Variants in CHD1L observed in about 807,000 individuals in gnomAD.
CHD1L encodes the protein ATP-dependent chromatin remodeler CHD1L.
In CHD1L, 118 loss-of-function variants were observed where a neutral mutation model predicts 115.9. That is an observed-to-expected ratio of 1.02 (90% CI 0.88 to 1.19). The LOEUF (loss-of-function observed/expected upper bound fraction) is 1.19. Ranked by LOEUF, CHD1L falls within the 50% of genes most tolerant of loss-of-function variation. The probability of loss-of-function intolerance (pLI) is 0.00; values close to 1 mark genes in which losing one functional copy is unlikely to be tolerated. For missense variants in CHD1L, 1,179 were observed against 1,065.3 expected (o/e 1.11, Z -1.49); for synonymous variants, 411 against 387.1 (o/e 1.06, Z -0.72).
upstream of CHD1L, among the ~76,000 whole-genome samples, chr1:147,240,835 T>C (rs1664785404): frequency 6.6e-6 from 1 of 152,192 alleles, no homozygotes; most frequent in African/African-American, 2.4e-5. Context: ...CTCTCCACTA[T>C]TACCCTATTG....
chr1:147,192,194 T>C, the CHD1L span, among the ~76,000 whole-genome samples: 5 of 152,070 alleles, frequency 3.3e-5, no homozygotes, highest in Non-Finnish European at 5.9e-5. Context: ...CATTGAGCAG[T>C]GGTTTGTATT....
upstream of CHD1L, among the ~76,000 whole-genome samples, chr1:147,241,983 C>T (rs1664948305): frequency 6.6e-6 from 1 of 152,060 alleles, no homozygotes; most frequent in Non-Finnish European, 1.5e-5. Context: ...GGACACCACC[C>T]AGAACTTCAT....
the CHD1L span, chr1:147,172,956 T>C: frequency 6.6e-6 from 1 of 152,352 alleles, no homozygotes; most frequent in African/African-American, 2.4e-5. Context: ...ATAAGAAAAC[T>C]GAAACTGACT....
At chr1:147,261,420 A>ATG (rs1671901029) in intron 6 of CHD1L, among the ~76,000 whole-genome samples, 3 of 148,846 alleles carry the variant, frequency 2.0e-5, no homozygotes, top group Non-Finnish European at 4.4e-5. Context: ...TTTTATATAT[A>ATG]AAGGCCTTAA....
intron 2 of CHD1L, among the ~76,000 whole-genome samples, chr1:147,252,988 G>T (rs1051151532): frequency 2.6e-5 from 4 of 152,184 alleles, no homozygotes; most frequent in African/African-American, 9.7e-5. Context: ...TGTTCACATA[G>T]CTCTGCTTTA....
intron 20 of CHD1L, among the ~76,000 whole-genome samples, chr1:147,291,896 CT>C (rs1177092124): frequency 6.6e-6 from 1 of 152,060 alleles, no homozygotes; most frequent in Non-Finnish European, 1.5e-5. Flanking sequence ...AGGCCCCACC[CT>C]AAACCCTTGT....
chr1:147,216,592 G>A, the CHD1L span, among the ~76,000 whole-genome samples: 10 of 152,024 alleles, frequency 6.6e-5, no homozygotes, highest in Non-Finnish European at 1.2e-4. Context: ...ATTCAGCATC[G>A]CTTAGGAAGA....
the CHD1L span, chr1:147,176,112 A>G: frequency 6.6e-6 from 1 of 152,334 alleles, no homozygotes; most frequent in East Asian, 1.9e-4. Flanking sequence ...TGCCTAAATT[A>G]AAAACTATTA....
chr1:147,248,326 A>G (rs1296772190), intron 1 of CHD1L, among the ~76,000 whole-genome samples: 1 of 151,804 alleles, frequency 6.6e-6, no homozygotes, highest in Non-Finnish European at 1.5e-5. Context: ...CTCCCACCTC[A>G]GCTTCCTGAG....
At chr1:147,185,756 C>A in the CHD1L span, among the ~76,000 whole-genome samples, 1 of 152,132 alleles carries the variant, frequency 6.6e-6, no homozygotes, top group Non-Finnish European at 1.5e-5. Context: ...GTTCAGTGTG[C>A]CTGACAGCTG....
At position 147,264,487 on chromosome 1, in the gene CHD1L, C is replaced by G. The variant is rs1553946566; in HGVS notation, c.642C>G (p.Tyr214Ter). Residue 214 changes from tyrosine to a stop codon, truncating the protein, a stop_gained, in exon 7 of 23, where the codon TAC (tyrosine) becomes TAG (stop). Coordinates refer to ENST00000369258, the MANE Select transcript of CHD1L (RefSeq NM_004284.6). LOFTEE classifies it high-confidence loss of function. ...TPIQNSLQELYSLLSFVEPDL... is the reference protein window; with the variant it reads ...TPIQNSLQEL ...TCCAGAACAGCCTCCAAGAGCTCTA[C>G]TCCCTCCTCAGTTTTGTGGAGCCTG... The G allele has an allele frequency of 6.2e-7, 1 of 1,613,878 alleles. No homozygotes were observed. The highest frequency in any genetic ancestry group is 1.3e-5 in the African/African-American group (1 of 74,910).
At position 147,242,848 on chromosome 1, in the gene CHD1L, G is replaced by T. The variant is rs1452634460; in HGVS notation, c.127+18G>T. 6.3e-6 allele frequency: 8 copies of T among 1,271,164 alleles called. No individual in the cohort carries two copies. Among genetic ancestry groups the T allele is most frequent in the Non-Finnish European group, 8.0e-6 (8 of 1,002,106 alleles). 78.7% of individuals were successfully genotyped at this position (1,271,164 alleles called of 1,614,324 possible). On this transcript the variant is annotated intron_variant, in intron 1 of 22. Coordinates refer to ENST00000369258, the MANE Select transcript of CHD1L (RefSeq NM_004284.6). ...GCTGACAGGTGAGCGGGCTCCGGGCGGACTTCGGCCAGGCGGGCCAACCTA... is the reference window on the plus strand; with the variant it reads ...GCTGACAGGTGAGCGGGCTCCGGGCTGACTTCGGCCAGGCGGGCCAACCTA...
the CHD1L span, among the ~76,000 whole-genome samples, chr1:147,235,890 T>C: frequency 1.3e-5 from 2 of 152,174 alleles, no homozygotes; most frequent in Admixed American, 1.3e-4. Flanking sequence ...TCTGTGGCCA[T>C]TGGTACTTTT....
At chr1:147,198,375 A>G in the CHD1L span, among the ~76,000 whole-genome samples, 1 of 152,152 alleles carries the variant, frequency 6.6e-6, no homozygotes, top group African/African-American at 2.4e-5. Context: ...TTACAAAGGG[A>G]GGGAAGAAAT....
At chr1:147,218,244 T>TTG in the CHD1L span, among the ~76,000 whole-genome samples, 1 of 80 alleles carries the variant, frequency 0.013, no homozygotes, top group African/African-American at 0.033. Context: ...ACATGCAGAA[T>TTG]TTTTTTTTTT....
intron 14 of CHD1L, among the ~76,000 whole-genome samples, chr1:147,278,373 C>T (rs1679430588): frequency 6.6e-6 from 1 of 151,270 alleles, no homozygotes; most frequent in African/African-American, 2.4e-5. Flanking sequence ...TACAGGCGCG[C>T]ACCACCACGC....
At chr1:147,245,051 G>A (rs1488712794) in intron 1 of CHD1L, among the ~76,000 whole-genome samples, 1 of 152,188 alleles carries the variant, frequency 6.6e-6, no homozygotes, top group Non-Finnish European at 1.5e-5. Flanking sequence ...TTTGGATCAT[G>A]AAGTTACCTT....
At chr1:147,188,628 AC>A in the CHD1L span, among the ~76,000 whole-genome samples, 1 of 151,820 alleles carries the variant, frequency 6.6e-6, no homozygotes, top group Non-Finnish European at 1.5e-5. Context: ...CTCATATAAA[AC>A]AATGTATACA....
At position 147,276,343 on chromosome 1, in the gene CHD1L, C is replaced by CCAG; in HGVS notation, c.1539+87_1539+88insAGC. On this transcript the variant is annotated intron_variant, in intron 14 of 22. Coordinates refer to ENST00000369258, the MANE Select transcript of CHD1L (RefSeq NM_004284.6). ...TGTAAATGAAAAGAACCAGCACTCA[C>CCAG]CCTCTCCCCAGCTACACATTTGTTC... The CCAG allele has an allele frequency of 1.0e-5, 14 of 1,365,308 alleles. No homozygotes were observed. The South Asian group carries it at 1.9e-4, about 18-fold the overall frequency. The allele number at this position is 1,365,308 out of a possible 1,614,324, so 84.6% of individuals were successfully genotyped here.
Sources: allele counts gnomAD v4.1 joint callset (sites outside exome capture counted in the v4.1 genomes callset), GRCh38; gene constraint gnomAD v4.1.1; transcripts MANE v1.5; gene names NCBI Gene and HGNC (gene_info 2026-07-23, HGNC 2026-07-21).